Variants in STXBP6 observed in about 807,000 individuals in gnomAD.
STXBP6 encodes the protein syntaxin-binding protein 6.
A neutral mutation model predicts 26.9 loss-of-function variants in STXBP6; 21 were observed. The observed-to-expected ratio is 0.78, with a 90% CI of 0.55 to 1.12. STXBP6 has a LOEUF of 1.12. Ranked by LOEUF, STXBP6 falls within the 50% of genes most tolerant of loss-of-function variation. STXBP6 has a pLI of 0.00. For synonymous variants in STXBP6, 97 were observed against 92.6 expected (o/e 1.05, Z -0.27); for missense variants, 232 against 257.9 (o/e 0.90, Z 0.69).
chr14:25,008,536 T>A (rs1209070013), intron 1 of STXBP6, among the ~76,000 whole-genome samples: 2 of 152,352 alleles, frequency 1.3e-5, no homozygotes, highest in East Asian at 3.9e-4. Context: ...CTTTAGGTTG[T>A]TAAAGACTCA....
chr14:24,919,673 T>C (rs2071911125), intron 2 of STXBP6, among the ~76,000 whole-genome samples: 1 of 152,060 alleles, frequency 6.6e-6, no homozygotes, highest in South Asian at 2.1e-4. Context: ...GCACCTCACA[T>C]GTGTGACTCT....
At position 24,952,943 on chromosome 14, in the gene STXBP6, T is replaced by C. The variant is rs569944940; in HGVS notation, c.154+21722A>G. ...TTCATGAGCATATGCAAATGCTCAATACAAAGACATGTTCCTGCTCACATT... is the reference window on the plus strand; with the variant it reads ...TTCATGAGCATATGCAAATGCTCAACACAAAGACATGTTCCTGCTCACATT... On this transcript the variant is annotated intron_variant, in intron 2 of 5. Coordinates refer to ENST00000323944, the MANE Select transcript of STXBP6 (RefSeq NM_001394410.1). 1.2e-4 allele frequency among the ~76,000 whole-genome samples: 19 copies of C among 152,322 alleles called. No individual in the cohort carries two copies. The East Asian group carries it at 3.1e-3, about 25-fold the overall frequency.
chr14:24,886,622 C>A (rs2070597690), intron 2 of STXBP6, among the ~76,000 whole-genome samples: 1 of 152,046 alleles, frequency 6.6e-6, no homozygotes, highest in Non-Finnish European at 1.5e-5. Context: ...ATTCTGTTCA[C>A]CCTTTATGAC....
At chr14:25,001,434 G>T (rs2074758214) in intron 1 of STXBP6, among the ~76,000 whole-genome samples, 1 of 152,166 alleles carries the variant, frequency 6.6e-6, no homozygotes, top group Non-Finnish European at 1.5e-5. Flanking sequence ...CTAACAAGAT[G>T]ACTCTTTTGG....
chr14:25,045,864 TC>T (rs2075719330), intron 1 of STXBP6, among the ~76,000 whole-genome samples: 1 of 152,154 alleles, frequency 6.6e-6, no homozygotes, highest in South Asian at 2.1e-4. Context: ...CGCCTCAGCC[TC>T]CCAAAGCGCT....
chr14:25,049,592 G>A lies in STXBP6; in HGVS notation c.-33+286C>T. 1.0e-6 allele frequency: 1 copy of A among 985,458 alleles called. No homozygotes were observed. Among genetic ancestry groups the A allele is most frequent in the Non-Finnish European group, 1.2e-6 (1 of 830,002 alleles). The allele number at this position is 985,458 out of a possible 1,614,324, so 61.0% of individuals were successfully genotyped here. A position where few individuals can be genotyped will look rare whatever the true frequency, so the allele number is the denominator to read the frequency against. ...TTCTCGGAGGAAATCGCTCCGTTCT[G>A]CGGCTTGCCCAATACTGCCCGCACA... On this transcript the variant is annotated intron_variant, in intron 1 of 5. Coordinates refer to ENST00000323944, the MANE Select transcript of STXBP6 (RefSeq NM_001394410.1). This position sits in a 1 kb window ranked among gnomAD's most constrained non-coding sequence, Gnocchi z 5.6.
At chr14:24,939,844 G>A (rs2072739707) in intron 2 of STXBP6, among the ~76,000 whole-genome samples, 1 of 151,996 alleles carries the variant, frequency 6.6e-6, no homozygotes, top group South Asian at 2.1e-4. Context: ...AGACTTCATG[G>A]CACAATTTAA....
chr14:25,029,514 C>T (rs1046517258), intron 1 of STXBP6, among the ~76,000 whole-genome samples: 4 of 151,984 alleles, frequency 2.6e-5, no homozygotes, highest in Non-Finnish European at 5.9e-5. Context: ...TTATAAGCAC[C>T]AAGAAACAAA....
chr14:24,975,630 G>C (rs1345806519), intron 1 of STXBP6, among the ~76,000 whole-genome samples: 1 of 152,200 alleles, frequency 6.6e-6, no homozygotes, highest in East Asian at 1.9e-4. Flanking sequence ...TTAACTGGCA[G>C]TGGATGCCCA....
chr14:24,939,309 T>C (rs2139974197), intron 2 of STXBP6, among the ~76,000 whole-genome samples: 1 of 152,366 alleles, frequency 6.6e-6, no homozygotes, highest in South Asian at 2.1e-4. Context: ...ACTTCTATTC[T>C]AGTTTGGGAA....
intron 1 of STXBP6, among the ~76,000 whole-genome samples, chr14:25,032,744 C>T (rs552172873): frequency 3.9e-4 from 60 of 152,344 alleles, no homozygotes; most frequent in Middle Eastern, 3.4e-3. Context: ...ATAACCCTCA[C>T]AGACACCTCA....
At chr14:24,950,165 C>G (rs911152973) in intron 2 of STXBP6, among the ~76,000 whole-genome samples, 1 of 152,144 alleles carries the variant, frequency 6.6e-6, no homozygotes, top group Admixed American at 6.6e-5. Flanking sequence ...ACCCTCCCTG[C>G]TCAATAAATA....
intron 2 of STXBP6, among the ~76,000 whole-genome samples, chr14:24,964,710 C>G (rs1160788797): frequency 6.9e-6 from 1 of 145,688 alleles, no homozygotes; most frequent in African/African-American, 2.6e-5. Context: ...CAGGAAAGAG[C>G]TGGAGAAACA....
At position 24,883,844 on chromosome 14, in the gene STXBP6, C is replaced by G. The variant is rs76825678; in HGVS notation, c.155-26687G>C. On this transcript the variant is annotated intron_variant, in intron 2 of 5. Transcript: ENST00000323944. The stretch of plus-strand genomic sequence containing the variant: ...AATGGAAATGTCAGACTATCCTCCC[C>G]AAAAAAGAATGGTTTTTAAAACATG... Among the ~76,000 whole-genome samples the G allele has an allele frequency of 3.8e-3, 575 of 152,124 alleles. 4 individuals are homozygous for G. The highest frequency in any genetic ancestry group is 0.013 in the African/African-American group (556 of 41,510).
intron 4 of STXBP6, among the ~76,000 whole-genome samples, chr14:24,835,347 G>GT (rs5807267): frequency 0.55 from 83,846 of 151,890 alleles, 24,917 homozygotes; most frequent in African/African-American, 0.74. Context: ...ATAATTGAGT[G>GT]TTTTTTGACC....
At chr14:24,945,139 A>T (rs976488212) in intron 2 of STXBP6, among the ~76,000 whole-genome samples, 2 of 100,652 alleles carry the variant, frequency 2.0e-5, no homozygotes, top group Admixed American at 1.2e-4. Flanking sequence ...CCAATTAGGA[A>T]TTTTTTTTTT....
intron 1 of STXBP6, among the ~76,000 whole-genome samples, chr14:24,979,963 T>G (rs1411528187): frequency 6.6e-6 from 1 of 152,230 alleles, no homozygotes; most frequent in Non-Finnish European, 1.5e-5. Context: ...CTTAACTGCT[T>G]CTTCTCCATG....
At position 24,856,070 on chromosome 14, in the gene STXBP6, T is replaced by C. The variant is rs775803045; in HGVS notation, c.317A>G (p.Asn106Ser). The change falls in exon 4 of 6, where the codon AAT (asparagine) becomes AGT (serine). Residue 106 changes from asparagine (N) to serine (S), a missense_variant. Coordinates refer to ENST00000323944, the MANE Select transcript of STXBP6 (RefSeq NM_001394410.1). The part of the protein sequence containing the change: ...DSAEFDLLFE[N>S]AFDQWVASTA... ...GCTGGCTACCCACTGGTCAAAAGCA[T>C]TTTCAAACAACAAATCAAACTCTGC... 4.4e-6 allele frequency: 7 copies of C among 1,604,576 alleles called. No individual in the cohort carries two copies. The highest frequency in any genetic ancestry group is 2.2e-5 in the South Asian group (2 of 89,332).
rs115657464 is a variant in STXBP6 at position 24,914,228 on chromosome 14, T to C, written c.155-57071A>G. 6.4e-3 allele frequency among the ~76,000 whole-genome samples: 968 copies of C among 152,276 alleles called. 6 individuals carry two copies. The highest frequency in any genetic ancestry group is 0.022 in the African/African-American group (918 of 41,564). On this transcript the variant is annotated intron_variant, in intron 2 of 5. Transcript: ENST00000323944. ...TATCTTCCAAGTTTTGGTCACAAGA[T>C]ATATTTTAAAACTGTCCTTGGCTCT...
Sources: gnomAD v4.1 joint callset for allele counts (sites outside exome capture counted in the v4.1 genomes callset) on GRCh38, gnomAD v4.1.1 for gene constraint, Gnocchi (gnomAD v3.1) non-coding constraint, MANE v1.5 for transcripts, NCBI Gene and HGNC (gene_info 2026-07-23, HGNC 2026-07-21) for gene names.